The following MAGI2 variants were observed in gnomAD, a reference collection of about 807,000 sequenced individuals.
The protein encoded by MAGI2 is membrane-associated guanylate kinase, WW and PDZ domain-containing protein 2.
Under a neutral mutation model 133.3 loss-of-function variants are expected in MAGI2, and 35 were observed. The observed-to-expected ratio is 0.26, with a 90% CI of 0.20 to 0.35. The LOEUF (loss-of-function observed/expected upper bound fraction) is 0.35, where lower values mean the gene tolerates loss of function less well. MAGI2 is among the 10% of genes least tolerant of loss of function. The probability of loss-of-function intolerance (pLI) is 1.00; values close to 1 mark genes in which losing one functional copy is unlikely to be tolerated. For synonymous variants in MAGI2, 729 were observed against 710.6 expected (o/e 1.03, Z -0.41); for missense variants, 1,636 against 1,863.4 (o/e 0.88, Z 2.25).
chr7:79,081,131 C>T lies in MAGI2; in HGVS notation c.302-73925G>A, dbSNP rs189936890. Among the ~76,000 whole-genome samples the T allele has an allele frequency of 3.0e-3, 464 of 152,202 alleles. 2 individuals carry two copies. The highest frequency in any genetic ancestry group is 5.3e-3 in the Non-Finnish European group (361 of 67,990). On this transcript the variant is annotated intron_variant, in intron 1 of 21. Coordinates refer to ENST00000354212, the MANE Select transcript of MAGI2 (RefSeq NM_012301.4). Reference sequence around the variant, plus strand: ...CCCAATTTGACAGTGTACACAAGGGCCTTCTCACAGTGCTCTTATGTATCA... The same window carrying T: ...CCCAATTTGACAGTGTACACAAGGGTCTTCTCACAGTGCTCTTATGTATCA...
intron 20 of MAGI2, among the ~76,000 whole-genome samples, chr7:78,112,708 G>A (rs1254437712): frequency 6.6e-6 from 1 of 152,238 alleles, no homozygotes; most frequent in Non-Finnish European, 1.5e-5. Flanking sequence ...TATTTACTGA[G>A]TGCCCCAGGT....
intron 3 of MAGI2, among the ~76,000 whole-genome samples, chr7:78,535,872 A>AC (rs148139487): frequency 0.026 from 3,070 of 117,912 alleles, 108 homozygotes; most frequent in African/African-American, 0.081. Context: ...TCTTGTGTAC[A>AC]CCCCCCCCGC....
chr7:79,063,956 G>C (rs1325748083), intron 1 of MAGI2, among the ~76,000 whole-genome samples: 1 of 151,978 alleles, frequency 6.6e-6, no homozygotes, highest in African/African-American at 2.4e-5. Context: ...ATTGAGTTCT[G>C]GCATAGAGAT....
intron 13 of MAGI2, among the ~76,000 whole-genome samples, chr7:78,178,635 A>G (rs1021756424): frequency 3.3e-5 from 5 of 151,734 alleles, no homozygotes; most frequent in African/African-American, 1.2e-4. Context: ...GCCCAATAGA[A>G]GTTGTCTCTT....
At chr7:78,633,868 T>C (rs926334158) in intron 2 of MAGI2, among the ~76,000 whole-genome samples, 3 of 152,182 alleles carry the variant, frequency 2.0e-5, no homozygotes, top group Admixed American at 6.5e-5. Flanking sequence ...GATTTTCTTA[T>C]GCACTGAGGT....
Position 78,598,409 on chromosome 7 carries a change from T to C in MAGI2, c.538+28711A>G, listed in dbSNP as rs142652272. Among the ~76,000 whole-genome samples the C allele has an allele frequency of 1.7e-3, 255 of 151,874 alleles. 1 individual carries two copies. The highest frequency in any genetic ancestry group is 4.2e-3 in the African/African-American group (172 of 41,422). On this transcript the variant is annotated intron_variant, in intron 3 of 21. Coordinates refer to ENST00000354212, the MANE Select transcript of MAGI2 (RefSeq NM_012301.4). ...GTCCAGGAAGAAGGAAAACCTTGAG[T>C]TATGAGAGGGCATGGCCTATTTAGG...
chr7:78,260,254 T>C (rs911441311), intron 9 of MAGI2, among the ~76,000 whole-genome samples: 2 of 152,206 alleles, frequency 1.3e-5, no homozygotes, highest in African/African-American at 4.8e-5. Flanking sequence ...TGTATGAATG[T>C]CATTTACATG....
chr7:79,174,611 G>A (rs1384494504), intron 1 of MAGI2, among the ~76,000 whole-genome samples: 1 of 150,028 alleles, frequency 6.7e-6, no homozygotes, highest in Non-Finnish European at 1.5e-5. Flanking sequence ...CAGCACTTTG[G>A]GAGGCCAAGG....
At chr7:78,866,224 G>A (rs1417731642) in intron 2 of MAGI2, among the ~76,000 whole-genome samples, 1 of 152,116 alleles carries the variant, frequency 6.6e-6, no homozygotes, top group East Asian at 1.9e-4. Context: ...TCTTTAGTTG[G>A]AGAGTTGATT....
At chr7:79,324,735 T>A (rs1422231096) in intron 1 of MAGI2, among the ~76,000 whole-genome samples, 1 of 16,680 alleles carries the variant, frequency 6.0e-5, no homozygotes, top group East Asian at 8.8e-4. Context: ...TATATATATA[T>A]TATATATATA....
At chr7:79,391,540 C>CATATAT (rs1198335417) in intron 1 of MAGI2, among the ~76,000 whole-genome samples, 595 of 46,662 alleles carry the variant, frequency 0.013, 13 homozygotes, top group Middle Eastern at 0.029. Flanking sequence ...TATATATAGA[C>CATATAT]ATATATATAT....
At chr7:78,449,916 CAT>C (rs1788542011) in intron 6 of MAGI2, among the ~76,000 whole-genome samples, 1 of 152,066 alleles carries the variant, frequency 6.6e-6, no homozygotes, top group Non-Finnish European at 1.5e-5. Flanking sequence ...AATCATCCCT[CAT>C]AGCATATTTT....
At chr7:78,852,168 G>C (rs1793194512) in intron 2 of MAGI2, among the ~76,000 whole-genome samples, 1 of 151,990 alleles carries the variant, frequency 6.6e-6, no homozygotes, top group Non-Finnish European at 1.5e-5. Context: ...TAATGCATTT[G>C]AGCATTTTTT....
intron 1 of MAGI2, among the ~76,000 whole-genome samples, chr7:79,040,109 TG>T (rs1486412032): frequency 6.6e-6 from 1 of 151,814 alleles, no homozygotes; most frequent in East Asian, 1.9e-4. Flanking sequence ...AGAGACCAGG[TG>T]GAGGTAATTG....
intron 1 of MAGI2, among the ~76,000 whole-genome samples, chr7:79,249,896 TCAA>T (rs1833103462): frequency 6.6e-6 from 1 of 152,096 alleles, no homozygotes; most frequent in South Asian, 2.1e-4. Context: ...ACAAAAATCC[TCAA>T]CAACAACAAC....
intron 21 of MAGI2, among the ~76,000 whole-genome samples, chr7:78,056,372 T>A (rs1812564203): frequency 6.6e-6 from 1 of 152,212 alleles, no homozygotes; most frequent in Admixed American, 6.5e-5. Context: ...TGGATGCATA[T>A]GTTTACTGCA....
At chr7:78,830,487 G>A (rs553493475) in intron 2 of MAGI2, among the ~76,000 whole-genome samples, 42 of 151,976 alleles carry the variant, frequency 2.8e-4, no homozygotes, top group Non-Finnish European at 1.3e-4. Context: ...ACTCCATTCT[G>A]CATCCATTCT....
intron 4 of MAGI2, 128 bp downstream of exon 4, chr7:78,521,302 G>T: frequency 1.8e-6 from 1 of 545,220 alleles, no homozygotes. Context: ...ACAGATGTAA[G>T]AAATATATAT....
chr7:79,088,362 G>C (rs1484050685), intron 1 of MAGI2, among the ~76,000 whole-genome samples: 1 of 152,066 alleles, frequency 6.6e-6, no homozygotes, highest in African/African-American at 2.4e-5. Flanking sequence ...CATTGATTTT[G>C]TATCCTGAGA....
Sources: gnomAD v4.1 joint callset for allele counts (sites outside exome capture counted in the v4.1 genomes callset) on GRCh38, gnomAD v4.1.1 for gene constraint, MANE v1.5 for transcripts, NCBI Gene and HGNC (gene_info 2026-07-23, HGNC 2026-07-21) for gene names.